The following ALPK1 variants were observed in gnomAD, a reference collection of about 807,000 sequenced individuals.
ALPK1 encodes alpha kinase 1.
Under a neutral mutation model 120.6 loss-of-function variants are expected in ALPK1, and 110 were observed. The ratio of observed to expected loss-of-function variants is 0.91; its 90% CI spans 0.78 to 1.07. ALPK1 has a LOEUF of 1.07. Among genes scored for constraint, ALPK1 ranks in the 50% least tolerant of loss-of-function variants. The probability of loss-of-function intolerance (pLI) is 0.00; values close to 1 mark genes in which losing one functional copy is unlikely to be tolerated. For missense variants in ALPK1, 1,498 were observed against 1,483.9 expected (o/e 1.01, Z -0.16); for synonymous variants, 582 against 560.3 (o/e 1.04, Z -0.55).
At chr4:112,329,271 A>G (rs1269134692) in intron 2 of ALPK1, among the ~76,000 whole-genome samples, 1 of 152,216 alleles carries the variant, frequency 6.6e-6, no homozygotes, top group Non-Finnish European at 1.5e-5. Context: ...ATTCCTAAAC[A>G]ATAGAAAAAG....
chr4:112,429,338 T>G, intron 10 of ALPK1, 85 bp downstream of exon 10: 1 of 1,078,364 alleles, frequency 9.3e-7, no homozygotes, highest in Non-Finnish European at 1.3e-6. Context: ...GGGAAAGGTT[T>G]AACCTTCAAA....
At chr4:112,351,400 A>G (rs912603292) in intron 2 of ALPK1, among the ~76,000 whole-genome samples, 2 of 152,174 alleles carry the variant, frequency 1.3e-5, no homozygotes, top group African/African-American at 4.8e-5. Context: ...TGAAAGTGAC[A>G]TAGCAAAGAC....
chr4:112,327,905 C>A (rs896349662), intron 2 of ALPK1, among the ~76,000 whole-genome samples: 27 of 152,192 alleles, frequency 1.8e-4, no homozygotes, highest in African/African-American at 6.5e-4. Context: ...CAATATCTAA[C>A]AAGACAGTAG....
intron 2 of ALPK1, among the ~76,000 whole-genome samples, chr4:112,355,185 G>A (rs1467921664): frequency 6.6e-6 from 1 of 152,138 alleles, no homozygotes; most frequent in Non-Finnish European, 1.5e-5. Context: ...ATTGTAAATG[G>A]TGTATTTTTA....
At position 112,378,378 on chromosome 4, in the gene ALPK1, C is replaced by T. The variant is rs1269582529; in HGVS notation, c.121+480C>T. On this transcript the variant is annotated intron_variant, in intron 3 of 15. Transcript: ENST00000650871. Reference sequence around the variant, plus strand: ...ACATTCTTCATGCTATATTCTCACACCATTTGTAAAATAAATTCTCTCATC... The same window carrying T: ...ACATTCTTCATGCTATATTCTCACATCATTTGTAAAATAAATTCTCTCATC... 2.6e-5 allele frequency among the ~76,000 whole-genome samples: 4 copies of T among 152,152 alleles called. No individual in the cohort carries two copies. In the East Asian group the frequency reaches 5.8e-4, roughly 22 times the overall value.
chr4:112,347,512 T>C (rs1246464263), intron 2 of ALPK1, among the ~76,000 whole-genome samples: 2 of 152,256 alleles, frequency 1.3e-5, no homozygotes, highest in Non-Finnish European at 2.9e-5. Context: ...AAGGATGGAA[T>C]GAATTCTCCA....
At chr4:112,382,203 C>G (rs2148729151) in intron 3 of ALPK1, among the ~76,000 whole-genome samples, 195 bp from the exon 4 acceptor site, 1 of 152,308 alleles carries the variant, frequency 6.6e-6, no homozygotes, top group African/African-American at 2.4e-5. Context: ...CAGGGCCACC[C>G]CTGACAGATA....
At chr4:112,382,783 T>C (rs1402104565) in intron 4 of ALPK1, 1 of 529,540 alleles carries the variant, frequency 1.9e-6, no homozygotes, top group Non-Finnish European at 3.3e-6. Flanking sequence ...GGTCAGTGAG[T>C]CTAACATGAA....
intron 4 of ALPK1, among the ~76,000 whole-genome samples, chr4:112,410,695 C>G (rs1340540195): frequency 6.6e-6 from 1 of 152,162 alleles, no homozygotes; most frequent in Middle Eastern, 3.2e-3. Context: ...ACCACTAAAT[C>G]AAAGGTCTTT....
intron 4 of ALPK1, among the ~76,000 whole-genome samples, chr4:112,391,225 T>G (rs901765912): frequency 6.6e-6 from 1 of 152,086 alleles, no homozygotes; most frequent in Non-Finnish European, 1.5e-5. Context: ...TTATGAGCCG[T>G]TGTGTTGTTC....
intron 4 of ALPK1, among the ~76,000 whole-genome samples, chr4:112,399,100 A>G (rs1042824303): frequency 1.3e-5 from 2 of 152,164 alleles, no homozygotes; most frequent in African/African-American, 4.8e-5. Flanking sequence ...GAGAAACAGG[A>G]TGGTATTTAA....
At chr4:112,419,370 A>T (rs1434626628) in intron 5 of ALPK1, among the ~76,000 whole-genome samples, 2 of 152,214 alleles carry the variant, frequency 1.3e-5, no homozygotes, top group Non-Finnish European at 2.9e-5. Flanking sequence ...TATAAAGATG[A>T]TCAAGATATG....
Position 112,335,626 on chromosome 4 carries a change from T to C in ALPK1, c.-101+19774T>C, listed in dbSNP as rs1024913561. Among the ~76,000 whole-genome samples, 7 of 152,276 alleles carry C rather than the reference T, an allele frequency of 4.6e-5. No individual in the cohort carries two copies. The East Asian group carries it at 1.4e-3, about 29-fold the overall frequency. ...CTTTGAGAGAGCTGCATAATGGATA[T>C]AATATATTCAAGCCACATAATCTGG... On this transcript the variant is annotated intron_variant, in intron 2 of 15. Coordinates refer to ENST00000650871, the MANE Select transcript of ALPK1 (RefSeq NM_025144.4).
intron 2 of ALPK1, among the ~76,000 whole-genome samples, chr4:112,344,594 A>G (rs1322646870): frequency 2.0e-5 from 3 of 152,222 alleles, no homozygotes; most frequent in Admixed American, 2.0e-4. Flanking sequence ...GTATTGATAC[A>G]TTTTGAAATA....
In ALPK1 at chr4:112,429,266, A is replaced by T. The variant is rs373632462; in HGVS notation, c.900+13A>T. The T allele has an allele frequency of 1.7e-5, 28 of 1,601,194 alleles. No individual in the cohort carries two copies. The Admixed American group carries it at 2.7e-4, about 15-fold the overall frequency. On this transcript the variant is annotated intron_variant, in intron 10 of 15. Transcript: ENST00000650871. Reference sequence around the variant, plus strand: ...GCTCACAGCTGTGGTAAACGAATGCAGCCGCTCCTCAAACCCCCACAGGAC... The same window carrying T: ...GCTCACAGCTGTGGTAAACGAATGCTGCCGCTCCTCAAACCCCCACAGGAC...
At chr4:112,371,310 T>C (rs1731393358) in intron 2 of ALPK1, among the ~76,000 whole-genome samples, 1 of 152,220 alleles carries the variant, frequency 6.6e-6, no homozygotes, top group Non-Finnish European at 1.5e-5. Flanking sequence ...ACCCTGGTCC[T>C]CCTGCTACCA....
intron 11 of ALPK1, among the ~76,000 whole-genome samples, chr4:112,433,893 C>G (rs575554342): frequency 6.6e-6 from 1 of 152,250 alleles, no homozygotes; most frequent in Admixed American, 6.5e-5. Context: ...TCTAATGGGT[C>G]TGGAGTGCGG....
rs542029995 is a variant in ALPK1 at position 112,429,378 on chromosome 4, T to C, written c.900+125T>C. 2 of 733,124 alleles carry C rather than the reference T, an allele frequency of 2.7e-6. 1 individual carries two copies. The highest frequency in any genetic ancestry group is 3.5e-5 in the African/African-American group (2 of 56,570). The allele number at this position is 733,124 out of a possible 1,614,324, so 45.4% of individuals were successfully genotyped here. On this transcript the variant is annotated intron_variant, in intron 10 of 15. Coordinates refer to ENST00000650871, the MANE Select transcript of ALPK1 (RefSeq NM_025144.4). ...CTTTGTGTCTCATCAGTGGCAATTG[T>C]GATAAGACTCCACACCACATATGGA...
chr4:112,366,700 T>C (rs904155054), intron 2 of ALPK1, among the ~76,000 whole-genome samples: 3 of 152,186 alleles, frequency 2.0e-5, no homozygotes, highest in Non-Finnish European at 4.4e-5. Context: ...CTCCTGGGTA[T>C]CTACCCAGAG....
Sources: gnomAD v4.1 joint callset for allele counts (sites outside exome capture counted in the v4.1 genomes callset) on GRCh38, gnomAD v4.1.1 for gene constraint, MANE v1.5 for transcripts, NCBI Gene and HGNC (gene_info 2026-07-23, HGNC 2026-07-21) for gene names.